PARM1: variants seen among roughly 807,000 people sequenced by gnomAD.
The protein encoded by PARM1 is prostate androgen-regulated mucin-like protein 1.
PARM1 carries 14 observed loss-of-function variants against 24.6 expected under a neutral mutation model. The observed-to-expected ratio is 0.57, with a 90% CI of 0.38 to 0.89. The LOEUF (loss-of-function observed/expected upper bound fraction) is 0.89, where lower values mean the gene tolerates loss of function less well. PARM1 is among the 40% of genes least tolerant of loss of function. The probability of loss-of-function intolerance (pLI) is 0.00; values close to 1 mark genes in which losing one functional copy is unlikely to be tolerated. For missense variants in PARM1, 362 were observed against 380.4 expected (o/e 0.95, Z 0.40); for synonymous variants, 179 against 156.6 (o/e 1.14, Z -1.07).
At chr4:74,944,953 GT>G (rs897696876) in intron 1 of PARM1, among the ~76,000 whole-genome samples, 4 of 152,118 alleles carry the variant, frequency 2.6e-5, no homozygotes, top group African/African-American at 9.7e-5. Context: ...CTTAAGGACT[GT>G]TTTTAATAAA....
chr4:75,013,519 C>T (rs1444920896), intron 2 of PARM1, among the ~76,000 whole-genome samples: 2 of 152,236 alleles, frequency 1.3e-5, no homozygotes, highest in African/African-American at 2.4e-5. Context: ...TATTTTTCCA[C>T]ATCTGTAAAA....
chr4:74,947,952 C>T (rs537228961), intron 1 of PARM1, among the ~76,000 whole-genome samples: 1 of 152,296 alleles, frequency 6.6e-6, no homozygotes, highest in African/African-American at 2.4e-5. Context: ...GTGTGAAAGG[C>T]CAGAGAAGCA....
chr4:75,023,988 C>CTGGCCAGGTGCGG (rs2109802805), intron 2 of PARM1, among the ~76,000 whole-genome samples: 1 of 152,270 alleles, frequency 6.6e-6, no homozygotes, highest in South Asian at 2.1e-4. Flanking sequence ...AAGCAAGTTC[C>CTGGCCAGGTGCGG]TGGCCAGGTG....
At chr4:75,044,206 A>AT (rs1304228830) in intron 3 of PARM1, among the ~76,000 whole-genome samples, 1 of 152,224 alleles carries the variant, frequency 6.6e-6, no homozygotes, top group African/African-American at 2.4e-5. Flanking sequence ...TCTAGCTGAG[A>AT]TAAAAATTAG....
chr4:75,024,774 C>T (rs1430727843), intron 2 of PARM1, among the ~76,000 whole-genome samples: 1 of 152,216 alleles, frequency 6.6e-6, no homozygotes, highest in Non-Finnish European at 1.5e-5. Context: ...TTTCGGCTCA[C>T]TGCAAACTCC....
In PARM1 at chr4:75,013,095, C is replaced by A. The variant is rs1400907038; in HGVS notation, c.714C>A (p.Thr238=). The change falls in exon 2 of 4, where the codon ACC becomes ACA. Residue 238 remains threonine (T), a synonymous_variant. Transcript: ENST00000307428. ...KVMCELIDME[T]TTTFPRVIMQ... is the part of the protein sequence containing the mutation. Reference sequence around the variant, plus strand: ...TGTGTGAGCTCATAGACATGGAGACCACCACCACCTTTCCCAGGGTGATCA... The same window carrying A: ...TGTGTGAGCTCATAGACATGGAGACAACCACCACCTTTCCCAGGGTGATCA... 6.2e-7 allele frequency: 1 copy of A among 1,613,768 alleles called. No homozygotes were observed. Among genetic ancestry groups the A allele is most frequent in the Non-Finnish European group, 8.5e-7 (1 of 1,179,844 alleles).
chr4:74,956,823 T>G (rs1431682692), intron 1 of PARM1: 2 of 152,348 alleles, frequency 1.3e-5, no homozygotes, highest in Middle Eastern at 3.4e-3. Context: ...GCAGGCACAT[T>G]AGAATGCACT....
chr4:75,010,527 TA>T (rs1362806017), intron 1 of PARM1, among the ~76,000 whole-genome samples: 1 of 152,140 alleles, frequency 6.6e-6, no homozygotes, highest in Non-Finnish European at 1.5e-5. Flanking sequence ...TTTACCACAA[TA>T]AAAAATTAAA....
intron 3 of PARM1, 49 bp from the exon 4 acceptor site, chr4:75,046,114 A>T (rs1196850934): frequency 7.8e-7 from 1 of 1,277,250 alleles, no homozygotes; most frequent in East Asian, 2.3e-5. Context: ...CTGTCCTCAG[A>T]TGGGCAACTT....
intron 1 of PARM1, among the ~76,000 whole-genome samples, chr4:74,983,280 A>G (rs569699581): frequency 9.2e-5 from 14 of 152,318 alleles, no homozygotes; most frequent in Non-Finnish European, 1.8e-4. Flanking sequence ...TAAAATATCT[A>G]TCCTTTTCTG....
chr4:75,036,133 A>G (rs936893798), intron 3 of PARM1, among the ~76,000 whole-genome samples: 7 of 152,206 alleles, frequency 4.6e-5, no homozygotes, highest in Non-Finnish European at 7.3e-5. Flanking sequence ...AGAATCACCA[A>G]TGATGAGTTC....
intron 1 of PARM1, among the ~76,000 whole-genome samples, chr4:74,988,431 C>A (rs1318275851): frequency 6.6e-6 from 1 of 152,120 alleles, no homozygotes; most frequent in Non-Finnish European, 1.5e-5. Context: ...ATTTATGCTG[C>A]TGTGTAAATA....
intron 2 of PARM1, among the ~76,000 whole-genome samples, chr4:75,016,528 C>G (rs1199540320): frequency 5.3e-5 from 8 of 152,118 alleles, no homozygotes; most frequent in African/African-American, 1.9e-4. Flanking sequence ...ATCACAGTAC[C>G]CAATAGGTAG....
At chr4:74,985,033 C>T (rs985136534) in intron 1 of PARM1, among the ~76,000 whole-genome samples, 1 of 152,106 alleles carries the variant, frequency 6.6e-6, no homozygotes, top group African/African-American at 2.4e-5. Flanking sequence ...CCATAGATTC[C>T]AAAAGTAGAC....
At chr4:75,023,925 C>T (rs1257427966) in intron 2 of PARM1, among the ~76,000 whole-genome samples, 1 of 152,166 alleles carries the variant, frequency 6.6e-6, no homozygotes, top group African/African-American at 2.4e-5. Context: ...AACTCCAAAA[C>T]TTTGAATTCC....
chr4:74,998,664 A>G (rs1232159974), intron 1 of PARM1, among the ~76,000 whole-genome samples: 1 of 152,238 alleles, frequency 6.6e-6, no homozygotes, highest in African/African-American at 2.4e-5. Context: ...AACTGGAAAT[A>G]AGATTTATCC....
At chr4:75,041,579 G>A (rs781630791) in intron 3 of PARM1, among the ~76,000 whole-genome samples, 18 of 152,248 alleles carry the variant, frequency 1.2e-4, no homozygotes, top group Admixed American at 3.3e-4. Flanking sequence ...TTGTTTCAAC[G>A]CAAGAAAAGG....
intron 1 of PARM1, among the ~76,000 whole-genome samples, chr4:74,935,836 A>G (rs990810717): frequency 4.6e-5 from 7 of 152,056 alleles, no homozygotes; most frequent in African/African-American, 1.7e-4. Flanking sequence ...TCGGGTATAT[A>G]TAAATATATT....
At chr4:75,029,869 A>G (rs1177451882) in intron 2 of PARM1, among the ~76,000 whole-genome samples, 3 of 151,038 alleles carry the variant, frequency 2.0e-5, no homozygotes, top group Non-Finnish European at 4.4e-5. Flanking sequence ...TAGGACAATG[A>G]TTAGGCTAAA....
Sources: allele counts gnomAD v4.1 joint callset (sites outside exome capture counted in the v4.1 genomes callset), GRCh38; gene constraint gnomAD v4.1.1; transcripts MANE v1.5; gene names NCBI Gene and HGNC (gene_info 2026-07-23, HGNC 2026-07-21).